GAB2: variants seen among roughly 807,000 people sequenced by gnomAD.
The protein encoded by GAB2 is GRB2 associated binding protein 2, also known as GRB2-associated-binding protein 2.
A neutral mutation model predicts 65.5 loss-of-function variants in GAB2; 26 were observed. That is an observed-to-expected ratio of 0.40 (90% CI 0.29 to 0.55). The LOEUF (loss-of-function observed/expected upper bound fraction) is 0.55, where lower values mean the gene tolerates loss of function less well. GAB2 is among the 20% of genes least tolerant of loss of function. The pLI, the probability that GAB2 is intolerant of heterozygous loss-of-function variation, is 0.53. For synonymous variants in GAB2, 321 were observed against 329.6 expected (o/e 0.97, Z 0.28); for missense variants, 884 against 875.8 (o/e 1.01, Z -0.12).
intron 2 of GAB2, among the ~76,000 whole-genome samples, chr11:78,274,523 A>C (rs1866112639): frequency 1.3e-5 from 2 of 152,220 alleles, no homozygotes; most frequent in Admixed American, 1.3e-4. Context: ...GAGAAGCAGA[A>C]GCATGGGGTG....
At chr11:78,365,467 G>C (rs1309127461) in intron 1 of GAB2, among the ~76,000 whole-genome samples, 1 of 152,200 alleles carries the variant, frequency 6.6e-6, no homozygotes, top group African/African-American at 2.4e-5. Flanking sequence ...AACTAACAAA[G>C]CCACTGGCAT....
intron 1 of GAB2, among the ~76,000 whole-genome samples, chr11:78,340,698 A>G (rs1403241957): frequency 6.6e-6 from 1 of 152,138 alleles, no homozygotes; most frequent in Non-Finnish European, 1.5e-5. Flanking sequence ...GAAAGGAAGA[A>G]AACAAAGTAT....
chr11:78,410,931 T>C (rs1442647155), intron 1 of GAB2, among the ~76,000 whole-genome samples: 2 of 152,024 alleles, frequency 1.3e-5, no homozygotes, highest in South Asian at 2.1e-4. Flanking sequence ...GGAGGACTGC[T>C]TAAGCTCCGG....
chr11:78,329,089 T>C (rs1269570855), intron 1 of GAB2, among the ~76,000 whole-genome samples: 2 of 152,206 alleles, frequency 1.3e-5, no homozygotes, highest in African/African-American at 4.8e-5. Context: ...AGATAAGTGA[T>C]ACAGCAAGCA....
intron 2 of GAB2, among the ~76,000 whole-genome samples, chr11:78,277,882 A>C (rs889534895): frequency 6.6e-6 from 1 of 152,198 alleles, no homozygotes; most frequent in Non-Finnish European, 1.5e-5. Flanking sequence ...AACACTTTTT[A>C]ATAAACTTTC....
intron 3 of GAB2, among the ~76,000 whole-genome samples, chr11:78,237,744 T>C (rs1242823894): frequency 6.6e-6 from 1 of 152,202 alleles, no homozygotes; most frequent in Non-Finnish European, 1.5e-5. Context: ...CAGTATCAAG[T>C]GGTCTAGTGT....
intron 3 of GAB2, chr11:78,231,823 A>G (rs1268333645): frequency 6.6e-6 from 1 of 152,224 alleles, no homozygotes; most frequent in Admixed American, 6.5e-5. Context: ...ATTTTCAATG[A>G]GTATGTTCCC....
At chr11:78,394,223 G>A (rs1195849918) in intron 1 of GAB2, among the ~76,000 whole-genome samples, 1 of 152,196 alleles carries the variant, frequency 6.6e-6, no homozygotes, top group Admixed American at 6.5e-5. Flanking sequence ...AGGAGGCGGA[G>A]GTTGCAGTTA....
chr11:78,223,718 A>G, intron 5 of GAB2, 42 bp from the exon 6 acceptor site: 1 of 1,506,040 alleles, frequency 6.6e-7, no homozygotes, highest in Non-Finnish European at 9.0e-7. Context: ...TGTTACTAGC[A>G]AGAAGAAACA....
At chr11:78,239,231 A>AT (rs991877552) in intron 3 of GAB2, among the ~76,000 whole-genome samples, 9 of 151,944 alleles carry the variant, frequency 5.9e-5, no homozygotes, top group African/African-American at 1.9e-4. Flanking sequence ...AATTTTATGT[A>AT]TTTTTTTGAG....
chr11:78,267,857 CAA>C (rs751533828), intron 2 of GAB2, among the ~76,000 whole-genome samples: 332 of 32,728 alleles, frequency 0.01, 1 homozygote, highest in African/African-American at 0.03. Flanking sequence ...GACTCCGTCT[CAA>C]AAAAAAAAAA....
intron 1 of GAB2, among the ~76,000 whole-genome samples, chr11:78,400,748 C>CA (rs1292870942): frequency 4.6e-5 from 7 of 151,592 alleles, no homozygotes; most frequent in Non-Finnish European, 1.0e-4. Context: ...ATTGAAAATA[C>CA]AAAAAAATTA....
chr11:78,342,010 G>C (rs1856104890), intron 1 of GAB2: 1 of 327,220 alleles, frequency 3.1e-6, no homozygotes, highest in Non-Finnish European at 4.4e-6. Flanking sequence ...AACAAACTGT[G>C]CCTAATGAAT....
At chr11:78,225,515 C>T (rs1191813942) in intron 4 of GAB2, among the ~76,000 whole-genome samples, 1 of 152,220 alleles carries the variant, frequency 6.6e-6, no homozygotes, top group Non-Finnish European at 1.5e-5. Context: ...CTTCTCTGAA[C>T]ACCACAGTAA....
At chr11:78,361,913 G>C (rs1424971544) in intron 1 of GAB2, among the ~76,000 whole-genome samples, 1 of 152,052 alleles carries the variant, frequency 6.6e-6, no homozygotes, top group Non-Finnish European at 1.5e-5. Context: ...TGCATTTTGG[G>C]ATCTATTTAA....
chr11:78,394,237 G>A (rs143556529), intron 1 of GAB2, among the ~76,000 whole-genome samples: 264 of 152,260 alleles, frequency 1.7e-3, no homozygotes, highest in African/African-American at 6.1e-3. Context: ...GCAGTTAGCC[G>A]AGATCGTGCC....
At chr11:78,289,943 A>G (rs1233616031) in intron 1 of GAB2, among the ~76,000 whole-genome samples, 1 of 147,616 alleles carries the variant, frequency 6.8e-6, no homozygotes, top group African/African-American at 2.5e-5. Context: ...GAAAAGAGGG[A>G]GGAAAGGAAG....
chr11:78,358,244 A>G (rs1452873159), intron 1 of GAB2, among the ~76,000 whole-genome samples: 7 of 137,212 alleles, frequency 5.1e-5, no homozygotes, highest in Non-Finnish European at 1.1e-4. Context: ...GAATTGAACA[A>G]TGAGAACACT....
chr11:78,322,026 T>G (rs1014983745), intron 1 of GAB2, among the ~76,000 whole-genome samples: 1 of 152,034 alleles, frequency 6.6e-6, no homozygotes, highest in Non-Finnish European at 1.5e-5. Context: ...AGATCTCAGC[T>G]GGGCACAGTG....
Sources: allele counts gnomAD v4.1 joint callset (sites outside exome capture counted in the v4.1 genomes callset), GRCh38; gene constraint gnomAD v4.1.1; transcripts MANE v1.5; gene names NCBI Gene and HGNC (gene_info 2026-07-23, HGNC 2026-07-21).